CISD1: variants seen among roughly 807,000 people sequenced by gnomAD.
CISD1 encodes the protein CDGSH iron-sulfur domain-containing protein 1.
A neutral mutation model predicts 12.0 loss-of-function variants in CISD1; 8 were observed. The observed-to-expected ratio is 0.67, with a 90% confidence interval of 0.39 to 1.20. The LOEUF is 1.20. Among genes scored for constraint, CISD1 ranks in the 50% most tolerant of loss-of-function variants. The probability of loss-of-function intolerance (pLI) is 0.01; values close to 1 mark genes in which losing one functional copy is unlikely to be tolerated. For synonymous variants in CISD1, 38 were observed against 42.2 expected (o/e 0.90, Z 0.39); for missense variants, 107 against 132.7 (o/e 0.81, Z 0.95).
In CISD1 at chr10:58,277,335, AT is replaced by A; in HGVS notation, c.237+15del. On this transcript the variant is annotated intron_variant, in intron 2 of 2. Coordinates refer to ENST00000333926, the MANE Select transcript of CISD1 (RefSeq NM_018464.5). ...GAGGTCCAAAAAGGTGAGGAAAGCA[AT>A]TCCTTCATACAGTACCATTTTTAAT... 2.0e-6 allele frequency: 3 copies of A among 1,531,806 alleles called. No individual in the cohort carries two copies. The highest frequency in any genetic ancestry group is 2.7e-6 in the Non-Finnish European group (3 of 1,125,788). 94.9% of individuals were successfully genotyped at this position (1,531,806 alleles called of 1,614,324 possible).
chr10:58,275,431 C>T (rs1839301584), intron 1 of CISD1, among the ~76,000 whole-genome samples: 1 of 151,798 alleles, frequency 6.6e-6, no homozygotes, highest in Non-Finnish European at 1.5e-5. Flanking sequence ...TGAAGCAGCA[C>T]TAAAGTTGGA....
chr10:58,281,423 A>G (rs936048250), intron 2 of CISD1, among the ~76,000 whole-genome samples: 4 of 151,916 alleles, frequency 2.6e-5, no homozygotes, highest in African/African-American at 9.7e-5. Flanking sequence ...TGTGTCTTGA[A>G]TTTGTCAGTT....
At chr10:58,277,780 C>T (rs1384695841) in intron 2 of CISD1, among the ~76,000 whole-genome samples, 1 of 152,048 alleles carries the variant, frequency 6.6e-6, no homozygotes, top group African/African-American at 2.4e-5. Flanking sequence ...CTTTAATTTG[C>T]TCTTAGGATT....
chr10:58,283,364 A>C (rs1402978536), intron 2 of CISD1, among the ~76,000 whole-genome samples: 1 of 152,318 alleles, frequency 6.6e-6, no homozygotes, highest in East Asian at 1.9e-4. Flanking sequence ...AAATAGGTAC[A>C]TAAGAATGGT....
intron 1 of CISD1, among the ~76,000 whole-genome samples, chr10:58,271,746 A>G (rs1410449303): frequency 7.1e-6 from 1 of 141,098 alleles, no homozygotes; most frequent in Non-Finnish European, 1.5e-5. Flanking sequence ...AAGAAAAATA[A>G]AAGGTAGTTT....
At chr10:58,276,327 T>G (rs145912320) in intron 1 of CISD1, 46 of 152,160 alleles carry the variant, frequency 3.0e-4, no homozygotes, top group African/African-American at 1.0e-3. Context: ...GCCATTAAAT[T>G]TAAAATAAAT....
chr10:58,286,438 G>A (rs1839430887), intron 2 of CISD1, among the ~76,000 whole-genome samples: 1 of 152,142 alleles, frequency 6.6e-6, no homozygotes, highest in Non-Finnish European at 1.5e-5. Context: ...TTAGAACAGC[G>A]TTTGCAAAGT....
chr10:58,273,017 C>T (rs545709553), intron 1 of CISD1, among the ~76,000 whole-genome samples: 1 of 152,168 alleles, frequency 6.6e-6, no homozygotes, highest in African/African-American at 2.4e-5. Flanking sequence ...TTATAGTATT[C>T]CCTGTGTGTG....
At chr10:58,274,265 A>G (rs1348766164) in intron 1 of CISD1, among the ~76,000 whole-genome samples, 3 of 152,046 alleles carry the variant, frequency 2.0e-5, no homozygotes, top group African/African-American at 7.2e-5. Context: ...TATTTGTTCA[A>G]TTTCTCAGGT....
intron 1 of CISD1, among the ~76,000 whole-genome samples, chr10:58,271,344 A>AT (rs1755239223): frequency 6.6e-6 from 1 of 152,060 alleles, no homozygotes; most frequent in South Asian, 2.1e-4. Flanking sequence ...CCGGCCGACT[A>AT]TTTTTTATTT....
Position 58,277,339 on chromosome 10 carries a change from C to CT in CISD1, c.237+19dup. On this transcript the variant is annotated intron_variant, in intron 2 of 2. Transcript: ENST00000333926. ...TCCAAAAAGGTGAGGAAAGCAATTCCTTCATACAGTACCATTTTTAATGTT... is the reference window on the plus strand; with the variant it reads ...TCCAAAAAGGTGAGGAAAGCAATTCCTTTCATACAGTACCATTTTTAATGTT... 6.7e-7 allele frequency: 1 copy of CT among 1,500,026 alleles called. No homozygotes were observed. The highest frequency in any genetic ancestry group is 9.1e-7 in the Non-Finnish European group (1 of 1,102,710). 92.9% of individuals were successfully genotyped at this position (1,500,026 alleles called of 1,614,324 possible).
At chr10:58,270,963 A>G (rs1839239834) in intron 1 of CISD1, among the ~76,000 whole-genome samples, 1 of 151,846 alleles carries the variant, frequency 6.6e-6, no homozygotes, top group African/African-American at 2.4e-5. Context: ...TTCTGGGCCC[A>G]AGCCATCCTT....
intron 2 of CISD1, among the ~76,000 whole-genome samples, chr10:58,282,413 T>C (rs188162433): frequency 6.6e-6 from 1 of 152,354 alleles, no homozygotes; most frequent in Admixed American, 6.5e-5. Context: ...TCCTGTATAC[T>C]TTAAATTATT....
rs1471990642 is a variant in CISD1 at position 58,271,584 on chromosome 10, T to C, written c.31+2280T>C. ...CAGATTGAAAATCAATTTAGATCTT[T>C]TAATTGGGGGAAAGATATCATGTCT... On this transcript the variant is annotated intron_variant, in intron 1 of 2. Coordinates refer to ENST00000333926, the MANE Select transcript of CISD1 (RefSeq NM_018464.5). 3.9e-4 allele frequency among the ~76,000 whole-genome samples: 60 copies of C among 152,204 alleles called. 1 individual carries two copies. Among genetic ancestry groups the C allele is most frequent in the Non-Finnish European group, 4.4e-5 (3 of 68,036 alleles).
Position 58,287,939 on chromosome 10 carries a change from A to G in CISD1, c.*289A>G, listed in dbSNP as rs1588983925. 1 of 252,374 alleles carries G rather than the reference A, an allele frequency of 4.0e-6. No individual in the cohort carries two copies. The highest frequency in any genetic ancestry group is 7.5e-6 in the Non-Finnish European group (1 of 133,770). The allele number at this position is 252,374 out of a possible 1,614,324, so 15.6% of individuals were successfully genotyped here. A position where few individuals can be genotyped will look rare whatever the true frequency, so the allele number is the denominator to read the frequency against. On this transcript the variant is annotated 3_prime_UTR_variant, in exon 3 of 3. Transcript: ENST00000333926. ...ACTGACATATAGAGTTGTACCTTAT[A>G]TAGAATATAGTTGTATCTTGAAGTC...
intron 1 of CISD1, among the ~76,000 whole-genome samples, chr10:58,272,530 T>C (rs1362163858): frequency 1.3e-5 from 2 of 152,198 alleles, no homozygotes; most frequent in Non-Finnish European, 2.9e-5. Context: ...ACCAAGTCAT[T>C]TAAAGTCATT....
intron 2 of CISD1, among the ~76,000 whole-genome samples, chr10:58,280,732 G>A (rs1025363382): frequency 6.6e-6 from 1 of 152,186 alleles, no homozygotes; most frequent in Non-Finnish European, 1.5e-5. Context: ...AGCCATTTAA[G>A]GAGATGGAAT....
chr10:58,281,811 C>T (rs1223931088), intron 2 of CISD1, among the ~76,000 whole-genome samples: 6 of 152,158 alleles, frequency 3.9e-5, no homozygotes, highest in Non-Finnish European at 8.8e-5. Context: ...GTGTCTGTAA[C>T]ATCTTGAGCA....
intron 1 of CISD1, among the ~76,000 whole-genome samples, chr10:58,269,551 C>G (rs1839217598): frequency 6.6e-6 from 1 of 152,202 alleles, no homozygotes; most frequent in Admixed American, 6.5e-5. Flanking sequence ...GCTAGCCAAA[C>G]CCTAACACCT....
Sources: gnomAD v4.1 joint callset for allele counts (sites outside exome capture counted in the v4.1 genomes callset) on GRCh38, gnomAD v4.1.1 for gene constraint, MANE v1.5 for transcripts, NCBI Gene and HGNC (gene_info 2026-07-23, HGNC 2026-07-21) for gene names.